ZNF385C: variants seen among roughly 807,000 people sequenced by gnomAD.
ZNF385C encodes the protein CTD-2132N18.2.
ZNF385C carries 28 observed loss-of-function variants against 35.4 expected under a neutral mutation model. The observed-to-expected ratio is 0.79, with a 90% CI of 0.59 to 1.08. The LOEUF (loss-of-function observed/expected upper bound fraction) is 1.08, where lower values mean the gene tolerates loss of function less well. ZNF385C is among the 50% of genes least tolerant of loss of function. ZNF385C has a pLI of 0.00. For synonymous variants in ZNF385C, 248 were observed against 248.2 expected (o/e 1.00, Z 0.01); for missense variants, 605 against 595.6 (o/e 1.02, Z -0.16).
chr17:42,090,016 T>C (rs2053848261), intron 1 of ZNF385C, among the ~76,000 whole-genome samples: 1 of 152,204 alleles, frequency 6.6e-6, no homozygotes, highest in Admixed American at 6.5e-5. Context: ...GTGGTTAAAA[T>C]ATCCTGTGTC....
At position 42,028,874 on chromosome 17, in the gene ZNF385C, A is replaced by C; in HGVS notation, c.876T>G (p.Ser292Arg). The C allele has an allele frequency of 1.3e-6, 2 of 1,550,424 alleles. No individual in the cohort carries two copies. Among genetic ancestry groups the C allele is most frequent in the African/African-American group, 2.7e-5 (2 of 73,108 alleles). ...PAAAAVGSSM[S>R]GEGRSEKGHL... ...GCCCCTTCTCACTCCTGCCTTCCCCACTCATGCTGCTTCCCACGGCAGCTG... is the reference window on the plus strand; with the variant it reads ...GCCCCTTCTCACTCCTGCCTTCCCCCCTCATGCTGCTTCCCACGGCAGCTG... Residue 292 changes from serine (S) to arginine (R), a missense_variant, in exon 6 of 9, where the codon AGT (serine) becomes AGG (arginine). Transcript: ENST00000692273.
intron 2 of ZNF385C, among the ~76,000 whole-genome samples, chr17:42,059,871 C>T (rs1490239786): frequency 1.3e-5 from 2 of 152,224 alleles, no homozygotes; most frequent in Non-Finnish European, 2.9e-5. Flanking sequence ...ATCCTCCTGC[C>T]TCAGCCTCCC....
chr17:42,027,862 G>A, intron 7 of ZNF385C, 134 bp from the exon 8 acceptor site: 1 of 1,217,342 alleles, frequency 8.2e-7, no homozygotes, highest in Non-Finnish European at 1.2e-6. Flanking sequence ...CTCACCCTGG[G>A]GTAGGCCCTG....
intron 2 of ZNF385C, among the ~76,000 whole-genome samples, chr17:42,048,656 C>T (rs1299238688): frequency 6.6e-6 from 1 of 152,166 alleles, no homozygotes; most frequent in Non-Finnish European, 1.5e-5. Flanking sequence ...CCCTTCAATC[C>T]CTGTTCTCTT....
chr17:42,048,094 C>T (rs557079953), intron 2 of ZNF385C, among the ~76,000 whole-genome samples: 6 of 152,216 alleles, frequency 3.9e-5, no homozygotes, highest in African/African-American at 1.4e-4. Flanking sequence ...CATCTCCTCC[C>T]CCCCTTCCCA....
At chr17:42,074,677 C>A (rs1191736003) in intron 1 of ZNF385C, among the ~76,000 whole-genome samples, 3 of 152,240 alleles carry the variant, frequency 2.0e-5, no homozygotes, top group Non-Finnish European at 2.9e-5. Context: ...GCGTGAGCCA[C>A]CGCGCCCGGC....
intron 2 of ZNF385C, among the ~76,000 whole-genome samples, chr17:42,056,381 C>G (rs2053376575): frequency 6.6e-6 from 1 of 152,252 alleles, no homozygotes; most frequent in Non-Finnish European, 1.5e-5. Context: ...ATACTCCTCC[C>G]CATTCTCAAA....
chr17:42,032,967 A>G (rs2052764586), intron 4 of ZNF385C, among the ~76,000 whole-genome samples: 1 of 151,114 alleles, frequency 6.6e-6, no homozygotes, highest in South Asian at 2.1e-4. Flanking sequence ...CAAGTGATCC[A>G]CCCACCTTGG....
At chr17:42,083,696 G>A (rs1338849754) in intron 1 of ZNF385C, among the ~76,000 whole-genome samples, 2 of 95,546 alleles carry the variant, frequency 2.1e-5, no homozygotes, top group Non-Finnish European at 4.3e-5. Flanking sequence ...TTTCTGTATT[G>A]CTTTTCAAGT....
chr17:42,088,848 T>C (rs1042423994), intron 1 of ZNF385C, among the ~76,000 whole-genome samples: 3 of 152,002 alleles, frequency 2.0e-5, no homozygotes, highest in Non-Finnish European at 4.4e-5. Flanking sequence ...TACCCCATAC[T>C]CTATCTGTAA....
In ZNF385C at chr17:42,050,963, T is replaced by A. The variant is rs1555657075; in HGVS notation, c.250+11844A>T. On this transcript the variant is annotated intron_variant, in intron 2 of 8. Coordinates refer to ENST00000692273, the MANE Select transcript of ZNF385C (RefSeq NM_001392013.1). The surrounding 1 kb of genome is among the most constrained non-coding windows in gnomAD (Gnocchi z 5.6). ...AGTGTTCTGAGAGTTTGGAAGCAAG[T>A]GCTTTGGGATCACGAAGGAGCGGGC... Among the ~76,000 whole-genome samples the A allele has an allele frequency of 6.6e-6, 1 of 151,862 alleles. No individual in the cohort carries two copies. Among genetic ancestry groups the A allele is most frequent in the Admixed American group, 6.6e-5 (1 of 15,256 alleles).
At chr17:42,039,399 G>A (rs1049738314) in intron 2 of ZNF385C, 40 of 296,022 alleles carry the variant, frequency 1.4e-4, no homozygotes, top group Admixed American at 8.7e-4. Context: ...AACTTGCCCC[G>A]AGTCCAGAAG....
chr17:42,097,660 G>T (rs1369842619), intron 1 of ZNF385C, among the ~76,000 whole-genome samples: 2 of 152,076 alleles, frequency 1.3e-5, no homozygotes, highest in African/African-American at 4.8e-5. Flanking sequence ...GTCAGCCCAG[G>T]TCCTCCTCCT....
rs577567289 is a variant in ZNF385C at position 42,085,448 on chromosome 17, T to C, written c.-3+12962A>G. Reference sequence around the variant, plus strand: ...CACGTCCGGCTAATTTTTTTCTTTTTTTTTTTTTTGTATTTTTAGTAGAGA... The same window carrying C: ...CACGTCCGGCTAATTTTTTTCTTTTCTTTTTTTTTGTATTTTTAGTAGAGA... On this transcript the variant is annotated intron_variant, in intron 1 of 8. Coordinates refer to ENST00000692273, the MANE Select transcript of ZNF385C (RefSeq NM_001392013.1). Among the ~76,000 whole-genome samples, 4 of 151,596 alleles carry C rather than the reference T, an allele frequency of 2.6e-5. No individual in the cohort carries two copies. The South Asian group carries it at 6.3e-4, about 24-fold the overall frequency.
chr17:42,030,925 T>C (rs1245785489), intron 5 of ZNF385C, among the ~76,000 whole-genome samples: 5 of 152,070 alleles, frequency 3.3e-5, no homozygotes, highest in African/African-American at 1.2e-4. Context: ...CATGGGACAC[T>C]TTCTCCTCTA....
At chr17:42,059,554 C>T (rs1320043909) in intron 2 of ZNF385C, among the ~76,000 whole-genome samples, 3 of 152,166 alleles carry the variant, frequency 2.0e-5, no homozygotes, top group African/African-American at 4.8e-5. Flanking sequence ...AGGGGGAGTC[C>T]GCAGCCATCT....
chr17:42,058,502 AGGGAGCTCCACCCTAAG>A, intron 2 of ZNF385C, among the ~76,000 whole-genome samples: 1 of 152,206 alleles, frequency 6.6e-6, no homozygotes, highest in South Asian at 2.1e-4. Flanking sequence ...AGCCTCCACC[AGGGAGCTCCACCCTAAG>A]GGCTCTCTGC....
At chr17:42,082,168 C>T (rs1202024658) in intron 1 of ZNF385C, among the ~76,000 whole-genome samples, 9 of 152,180 alleles carry the variant, frequency 5.9e-5, no homozygotes, top group Admixed American at 3.3e-4. Flanking sequence ...TGTTCCATGG[C>T]GTGCTTCATG....
chr17:42,097,451 C>T (rs1170148074), intron 1 of ZNF385C, among the ~76,000 whole-genome samples: 3 of 152,142 alleles, frequency 2.0e-5, no homozygotes, highest in Non-Finnish European at 4.4e-5. Flanking sequence ...CCCCCCTCCC[C>T]CCATTGTCAC....
Sources: gnomAD v4.1 joint callset for allele counts (sites outside exome capture counted in the v4.1 genomes callset) on GRCh38, gnomAD v4.1.1 for gene constraint, Gnocchi (gnomAD v3.1) non-coding constraint, MANE v1.5 for transcripts, NCBI Gene and HGNC (gene_info 2026-07-23, HGNC 2026-07-21) for gene names.